MUC22: variants seen among roughly 807,000 people sequenced by gnomAD.
MUC22 encodes mucin 22.
Under a neutral mutation model 40.3 loss-of-function variants are expected in MUC22, and 24 were observed. That is an observed-to-expected ratio of 0.60 (90% CI 0.43 to 0.84). MUC22 has a LOEUF of 0.84. Among genes scored for constraint, MUC22 ranks in the 40% least tolerant of loss-of-function variants. The pLI, the probability that MUC22 is intolerant of heterozygous loss-of-function variation, is 0.00. For synonymous variants in MUC22, 765 were observed against 844.5 expected, an observed-to-expected ratio of 0.91 and a Z score of 1.63; for missense variants, 1,926 against 2,130.7, an observed-to-expected ratio of 0.90 and a Z score of 1.89.
At chr6:31,013,952 C>T (rs1480218126) in intron 1 of MUC22, among the ~76,000 whole-genome samples, 4 of 152,166 alleles carry the variant, frequency 2.6e-5, no homozygotes, top group African/African-American at 2.4e-5. Context: ...GACCACTCCC[C>T]CTACACACTT....
At chr6:31,010,898 T>G (rs998981038) in intron 1 of MUC22, 122 bp downstream of exon 1, 1 of 616,860 alleles carries the variant, frequency 1.6e-6, no homozygotes, top group Admixed American at 2.8e-5. Flanking sequence ...TTCATTTTTT[T>G]TTTTTTTTTT....
At position 31,027,110 on chromosome 6, in the gene MUC22, CCA is replaced by C. The variant is rs755828374; in HGVS notation, c.1680_1681del (p.Ile561ArgfsTer3). The C allele has an allele frequency of 2.7e-3, 3,994 of 1,487,858 alleles. 287 individuals are homozygous for C. The highest frequency in any genetic ancestry group is 7.7e-3 in the East Asian group (310 of 40,408). 92.2% of individuals were successfully genotyped at this position (1,487,858 alleles called of 1,614,324 possible). A position where few individuals can be genotyped will look rare whatever the true frequency, so the allele number is the denominator to read the frequency against. ...GGCTCTGAGACCACTATGGCCTCTA[CCA>C]TAGGCCCTGAGACCACCAAGGTCTC... is the stretch of plus-strand genomic sequence containing the variant. On this transcript the variant is annotated frameshift_variant, in exon 2 of 4. Coordinates refer to ENST00000561890, the Ensembl canonical transcript of MUC22. LOFTEE classifies it high-confidence loss of function.
rs746837267 is a variant in MUC22, at chr6:31,029,345, C to A, written c.3914C>A (p.Thr1305Asn). ...GCAGTCTATACCACAGGCTCTGAGACTACCACCACCTCTACTGAAGGCTCT... is the reference window on the plus strand; with the variant it reads ...GCAGTCTATACCACAGGCTCTGAGAATACCACCACCTCTACTGAAGGCTCT... The change falls in exon 2 of 4, where the codon ACT (threonine) becomes AAT (asparagine). Residue 1305 changes from threonine to asparagine, a missense_variant. Thr to Asn is a moderately conservative substitution (Grantham distance 65). This residue lies in a region of MUC22 where 610 missense variants were observed against 714.6 expected (regional missense o/e 0.85). Transcript: ENST00000561890. 30 of 1,535,034 alleles carry A rather than the reference C, an allele frequency of 2.0e-5. 2 individuals are homozygous for A. In the South Asian group the frequency reaches 3.2e-4, roughly 16 times the overall value.
exon 2 of MUC22, chr6:31,029,634 A>G (rs370237964): frequency 1.3e-6 from 2 of 1,535,424 alleles, no homozygotes; most frequent in South Asian, 2.4e-5. Flanking sequence ...TCTTTACCAC[A>G]GTCTCTGAGA....
At chr6:31,028,736 G>C in exon 2 of MUC22, 2 of 1,528,676 alleles carry the variant, frequency 1.3e-6, no homozygotes, top group Non-Finnish European at 1.7e-6. Flanking sequence ...TCTACTGAAG[G>C]CTCTGAGACC....
At chr6:31,022,045 A>G (rs1156988618) in intron 1 of MUC22, among the ~76,000 whole-genome samples, 1 of 152,084 alleles carries the variant, frequency 6.6e-6, no homozygotes, top group Admixed American at 6.5e-5. Flanking sequence ...AAGAGTTGCT[A>G]ACACTCACTG....
chr6:31,017,887 T>C lies in MUC22; in HGVS notation c.70+7111T>C, dbSNP rs576850782. 1.6e-4 allele frequency among the ~76,000 whole-genome samples: 25 copies of C among 152,020 alleles called. No individual in the cohort carries two copies. The East Asian group carries it at 4.5e-3, about 27-fold the overall frequency. The stretch of plus-strand genomic sequence containing the variant: ...GTGTGGAAACTTTGTTCTTTCACTC[T>C]TTGTGATAAATATTGCTGCTGCTCA... On this transcript the variant is annotated intron_variant, in intron 1 of 3. Transcript: ENST00000561890.
rs1163253829 is a variant in MUC22, at chr6:31,025,537, G to A, written c.106G>A (p.Asp36Asn). 50 of 1,518,854 alleles carry A rather than the reference G, an allele frequency of 3.3e-5. 2 individuals are homozygous for A. The highest frequency in any genetic ancestry group is 2.0e-4 in the South Asian group (16 of 80,564). The allele number at this position is 1,518,854 out of a possible 1,614,324, so 94.1% of individuals were successfully genotyped here. A position where few individuals can be genotyped will look rare whatever the true frequency, so the allele number is the denominator to read the frequency against. The change falls in exon 2 of 4, where the codon GAC (aspartate) becomes AAC (asparagine). Residue 36 changes from aspartate (D) to asparagine (N), a missense_variant. Coordinates refer to ENST00000561890, the Ensembl canonical transcript of MUC22. ...TACCACAGCCTTCACAAAAGGCTCC[G>A]ACACCACCACAGCCTCCATCACAGG...
In MUC22 at chr6:31,032,476, C is replaced by T. The variant is rs560846423; in HGVS notation, c.4950C>T (p.Asn1650=). The T allele has an allele frequency of 2.0e-5, 31 of 1,535,604 alleles. No individual in the cohort carries two copies. The highest frequency in any genetic ancestry group is 1.7e-4 in the Middle Eastern group (1 of 6,012). ...TTAGCATGAGCCACACACCCACAAA[C>T]GTGATCAAACCAAGTGGATATTTAC... The change falls in exon 3 of 4, where the codon AAC becomes AAT. Residue 1650 remains asparagine, a synonymous_variant. Transcript: ENST00000561890. The surrounding 1 kb of genome is among the most constrained non-coding windows in gnomAD (Gnocchi z 4.1).
At chr6:31,021,937 T>G (rs1484563027) in intron 1 of MUC22, among the ~76,000 whole-genome samples, 8 of 152,082 alleles carry the variant, frequency 5.3e-5, no homozygotes, top group Admixed American at 5.2e-4. Flanking sequence ...GTTTTTATGA[T>G]CTGTAACACT....
In MUC22 at chr6:31,010,790, C is replaced by T. The variant is rs546207000; in HGVS notation, c.70+14C>T. 1.1e-4 allele frequency: 76 copies of T among 702,342 alleles called. 1 individual carries two copies. The highest frequency in any genetic ancestry group is 1.1e-3 in the South Asian group (71 of 67,580). 43.5% of individuals were successfully genotyped at this position (702,342 alleles called of 1,614,324 possible). On this transcript the variant is annotated intron_variant, in intron 1 of 3. Transcript: ENST00000561890. ...TTCTGGGACCCAGTAAGTGACTTAG[C>T]AGTTAAGGAGGGAGAGGGGCATGGA...
chr6:31,031,075 C>G (rs1766027288), intron 2 of MUC22, among the ~76,000 whole-genome samples: 1 of 152,226 alleles, frequency 6.6e-6, no homozygotes, highest in Non-Finnish European at 1.5e-5. Flanking sequence ...CCGGTTACAT[C>G]TGATTCTATC....
chr6:31,021,090 C>T (rs1297825095), intron 1 of MUC22, among the ~76,000 whole-genome samples: 2 of 152,256 alleles, frequency 1.3e-5, no homozygotes, highest in Non-Finnish European at 2.9e-5. Flanking sequence ...CGACCGCCCA[C>T]GGGCTGAGGA....
At chr6:31,034,229 A>T (rs1181966386) in intron 3 of MUC22, among the ~76,000 whole-genome samples, 1 of 152,226 alleles carries the variant, frequency 6.6e-6, no homozygotes, top group Non-Finnish European at 1.5e-5. Flanking sequence ...CATGCCTATA[A>T]TCTCAAGGCT....
At chr6:31,026,095 G>T (rs1315895522) in exon 2 of MUC22, 1 of 1,530,672 alleles carries the variant, frequency 6.5e-7, no homozygotes, top group Admixed American at 2.0e-5. Flanking sequence ...ATCTACTGCA[G>T]GTTCTGAGAC....
In MUC22 at chr6:31,010,643, T is replaced by A; in HGVS notation, c.-64T>A. ...GTTTGCCCCTTGTCTCTCTGCCTCT[T>A]TGACCTATCCTTCCTTTGGAACCCA... On this transcript the variant is annotated 5_prime_UTR_variant, in exon 1 of 4. It adds an upstream start codon to the 5' untranslated region. Coordinates refer to ENST00000561890, the Ensembl canonical transcript of MUC22. 1 of 701,466 alleles carries A rather than the reference T, an allele frequency of 1.4e-6. No homozygotes were observed. Among genetic ancestry groups the A allele is most frequent in the Admixed American group, 2.0e-5 (1 of 49,958 alleles). The allele number at this position is 701,466 out of a possible 1,614,324, so 43.5% of individuals were successfully genotyped here.
chr6:31,030,069 T>C (rs1226010776), exon 2 of MUC22: 11 of 1,534,030 alleles, frequency 7.2e-6, no homozygotes, highest in Non-Finnish European at 9.6e-6. Context: ...CTGACGTTTC[T>C]ATCCAGCCCA....
chr6:31,026,783 C>G (rs1765408619), exon 2 of MUC22: 2 of 1,511,098 alleles, frequency 1.3e-6, no homozygotes, highest in Admixed American at 2.0e-5. Flanking sequence ...ACAGTCTCTA[C>G]TGCAGGCTCT....
chr6:31,027,791 C>T, exon 2 of MUC22: 1 of 1,532,400 alleles, frequency 6.5e-7, no homozygotes, highest in Non-Finnish European at 8.7e-7. Flanking sequence ...GAGAACACTA[C>T]AGTCTCCACC....
Sources: gnomAD v4.1 joint callset for allele counts (sites outside exome capture counted in the v4.1 genomes callset) on GRCh38, gnomAD v4.1.1 for gene constraint, gnomAD v4.1.1 regional missense constraint, Gnocchi (gnomAD v3.1) non-coding constraint, MANE v1.5 for transcripts, NCBI Gene and HGNC (gene_info 2026-07-23, HGNC 2026-07-21) for gene names.